Variants in COA1 observed in about 807,000 individuals in gnomAD.
COA1 encodes the protein cytochrome c oxidase assembly factor 1.
Under a neutral mutation model 16.0 loss-of-function variants are expected in COA1, and 13 were observed. The observed-to-expected ratio is 0.81, with a 90% CI of 0.53 to 1.29. The LOEUF (loss-of-function observed/expected upper bound fraction) is 1.29. COA1 is among the 50% of genes most tolerant of loss of function. The probability of loss-of-function intolerance (pLI) is 0.00; values close to 1 mark genes in which losing one functional copy is unlikely to be tolerated. For missense variants in COA1, 179 were observed against 177.0 expected (o/e 1.01, Z -0.06); for synonymous variants, 65 against 65.7 (o/e 0.99, Z 0.05).
intron 1 of COA1, among the ~76,000 whole-genome samples, chr7:43,691,432 AG>A (rs2094354123): frequency 5.8e-5 from 5 of 86,326 alleles, no homozygotes; most frequent in African/African-American, 1.5e-4. Flanking sequence ...AAAGAAAGAA[AG>A]AAAGAAAGAA....
exon 7 of COA1, chr7:43,609,449 C>T (rs1204337255): frequency 2.6e-5 from 4 of 152,238 alleles, no homozygotes; most frequent in Non-Finnish European, 4.4e-5. Context: ...CTAACCTTTA[C>T]GTGGACTGAG....
At chr7:43,678,053 T>C (rs987559754) in intron 1 of COA1, among the ~76,000 whole-genome samples, 1 of 152,202 alleles carries the variant, frequency 6.6e-6, no homozygotes, top group Non-Finnish European at 1.5e-5. Context: ...GTAGCACATG[T>C]GTTCTCATCA....
At chr7:43,671,720 A>C (rs7779794) in intron 1 of COA1, among the ~76,000 whole-genome samples, 107,694 of 152,076 alleles carry the variant, frequency 0.71, 38,637 homozygotes, top group African/African-American at 0.84. Context: ...GGACTGTAAT[A>C]CACATGTGTC....
At chr7:43,702,334 T>C (rs898134484) in intron 1 of COA1, among the ~76,000 whole-genome samples, 3 of 152,152 alleles carry the variant, frequency 2.0e-5, no homozygotes, top group Admixed American at 6.6e-5. Flanking sequence ...ATTCCAGCAC[T>C]ATCTATTGAA....
At chr7:43,686,463 C>T (rs1018464626) in intron 1 of COA1, among the ~76,000 whole-genome samples, 1 of 151,874 alleles carries the variant, frequency 6.6e-6, no homozygotes, top group Non-Finnish European at 1.5e-5. Flanking sequence ...CCCGCCACTG[C>T]GCCCGGCTAA....
At chr7:43,669,254 G>A (rs2093095878) in intron 1 of COA1, among the ~76,000 whole-genome samples, 1 of 152,170 alleles carries the variant, frequency 6.6e-6, no homozygotes, top group South Asian at 2.1e-4. Context: ...AGGCAGCTAG[G>A]AAAAGGGGTC....
chr7:43,687,982 G>A (rs189506960), intron 1 of COA1, among the ~76,000 whole-genome samples: 366 of 152,314 alleles, frequency 2.4e-3, no homozygotes, highest in African/African-American at 8.5e-3. Context: ...TCTTGATAGT[G>A]AATAAGTCTC....
Position 43,660,759 on chromosome 7 carries a change from GCC to G in COA1, c.-38-12109_-38-12108del, listed in dbSNP as rs1431916929. 7.9e-5 allele frequency among the ~76,000 whole-genome samples: 12 copies of G among 152,012 alleles called. No individual in the cohort carries two copies. The South Asian group carries it at 1.7e-3, about 21-fold the overall frequency. Reference sequence around the variant, plus strand: ...TTTATCCTCCAAATGCCCTAATTTGGCCCCTAAGTATCTCTTTCAACCAAGGG... The same window carrying G: ...TTTATCCTCCAAATGCCCTAATTTGGCCTAAGTATCTCTTTCAACCAAGGG... On this transcript the variant is annotated intron_variant, in intron 1 of 5. Transcript: ENST00000223336.
chr7:43,653,137 C>A (rs2091139953), intron 1 of COA1, among the ~76,000 whole-genome samples: 2 of 151,994 alleles, frequency 1.3e-5, no homozygotes, highest in South Asian at 4.1e-4. Context: ...GTGGTGAAAC[C>A]CCGTCTCTAC....
chr7:43,624,186 A>G (rs2084237856), intron 6 of COA1, among the ~76,000 whole-genome samples: 1 of 152,248 alleles, frequency 6.6e-6, no homozygotes, highest in Non-Finnish European at 1.5e-5. Context: ...GTGTCATGGC[A>G]GTAAATAGCA....
chr7:43,639,828 A>C, intron 5 of COA1, 147 bp from the exon 6 acceptor site: 1 of 590,126 alleles, frequency 1.7e-6, no homozygotes, highest in East Asian at 3.0e-5. Context: ...GTGTCAACAC[A>C]ATTTTTAACA....
chr7:43,670,699 A>T (rs1229079527), intron 1 of COA1, among the ~76,000 whole-genome samples: 1 of 152,208 alleles, frequency 6.6e-6, no homozygotes, highest in Non-Finnish European at 1.5e-5. Flanking sequence ...GAAGAAAACA[A>T]TGTAATGCCC....
At chr7:43,667,836 G>A (rs2092985085) in intron 1 of COA1, among the ~76,000 whole-genome samples, 1 of 152,180 alleles carries the variant, frequency 6.6e-6, no homozygotes. Flanking sequence ...TTGTTTTTCA[G>A]AGTCCAGGAA....
intron 1 of COA1, chr7:43,659,051 T>A (rs1158701981): frequency 6.6e-6 from 1 of 152,234 alleles, no homozygotes; most frequent in East Asian, 1.9e-4. Flanking sequence ...TGTTAAAGAT[T>A]TCTCTAGAAA....
downstream of COA1, among the ~76,000 whole-genome samples, chr7:43,637,348 C>T (rs2086067537): frequency 6.6e-6 from 1 of 152,140 alleles, no homozygotes; most frequent in South Asian, 2.1e-4. Context: ...AGGAGTCACG[C>T]TACCATTTGC....
chr7:43,636,091 T>A (rs1004320336), downstream of COA1, among the ~76,000 whole-genome samples: 3 of 152,204 alleles, frequency 2.0e-5, no homozygotes, highest in Admixed American at 1.3e-4. Context: ...TCCTGCAAAG[T>A]CAGATTTCAC....
intron 1 of COA1, among the ~76,000 whole-genome samples, chr7:43,677,800 TAAAAA>T (rs11310207): frequency 0.053 from 6,135 of 116,796 alleles, 183 homozygotes; most frequent in Non-Finnish European, 0.073. Context: ...GGCTCTGTCT[TAAAAA>T]AAAAAAAAAA....
chr7:43,674,734 T>C (rs2093433941), intron 1 of COA1, among the ~76,000 whole-genome samples: 1 of 152,228 alleles, frequency 6.6e-6, no homozygotes, highest in Non-Finnish European at 1.5e-5. Context: ...TTTATTCAGT[T>C]AGTCACAGAG....
intron 1 of COA1, among the ~76,000 whole-genome samples, chr7:43,695,400 G>A (rs778879361): frequency 6.6e-6 from 1 of 151,972 alleles, no homozygotes; most frequent in African/African-American, 2.4e-5. Flanking sequence ...GTCTTATTTG[G>A]TATTCTCTCT....
Sources: allele counts gnomAD v4.1 joint callset (sites outside exome capture counted in the v4.1 genomes callset), GRCh38; gene constraint gnomAD v4.1.1; transcripts MANE v1.5; gene names NCBI Gene and HGNC (gene_info 2026-07-23, HGNC 2026-07-21).